The following GAB1 variants were observed in gnomAD, a reference collection of about 807,000 sequenced individuals.
The protein encoded by GAB1 is GRB2 associated binding protein 1, also known as GRB2-associated-binding protein 1.
GAB1 carries 19 observed loss-of-function variants against 66.5 expected under a neutral mutation model. The observed-to-expected ratio is 0.29, with a 90% CI of 0.20 to 0.42. The LOEUF is 0.42. Ranked by LOEUF, GAB1 falls within the 10% of genes least tolerant of loss-of-function variation. The pLI is 1.00. For missense variants in GAB1, 732 were observed against 858.5 expected, an observed-to-expected ratio of 0.85 and a Z score of 1.84; for synonymous variants, 294 against 301.4, an observed-to-expected ratio of 0.98 and a Z score of 0.25.
rs117257784 is a variant in GAB1, at chr4:143,396,184, C to A, written c.73-19293C>A. Among the ~76,000 whole-genome samples the A allele has an allele frequency of 4.7e-4, 72 of 152,248 alleles. 1 individual carries two copies. The East Asian group carries it at 0.013, about 27-fold the overall frequency. ...ATGGGGTAGTGACCCTGACTCTGGA[C>A]AAGGAGAGAAGCAAATGTACTCCTA... On this transcript the variant is annotated intron_variant, in intron 1 of 9. Transcript: ENST00000262994.
intron 7 of GAB1, among the ~76,000 whole-genome samples, 160 bp from the exon 8 acceptor site, chr4:143,460,204 G>C (rs1735416695): frequency 6.6e-6 from 1 of 151,972 alleles, no homozygotes; most frequent in Admixed American, 6.6e-5. Flanking sequence ...TTATGTGTTT[G>C]TACACAAAAA....
intron 2 of GAB1, among the ~76,000 whole-genome samples, chr4:143,422,356 GAT>G (rs1733075763): frequency 6.6e-6 from 1 of 152,110 alleles, no homozygotes; most frequent in Non-Finnish European, 1.5e-5. Flanking sequence ...TCTATCAGTA[GAT>G]ATAGCCCATC....
chr4:143,413,781 C>T (rs1166541108), intron 1 of GAB1, among the ~76,000 whole-genome samples: 1 of 148,238 alleles, frequency 6.7e-6, no homozygotes, highest in Non-Finnish European at 1.5e-5. Context: ...TGGGGGTTTT[C>T]GAGTCCTTCC....
chr4:143,471,339 G>A lies in GAB1; in HGVS notation c.*2150G>A, dbSNP rs1736071512. 6.6e-6 allele frequency: 1 copy of A among 152,102 alleles called. No homozygotes were observed. The highest frequency in any genetic ancestry group is 2.1e-4 in the South Asian group (1 of 4,832). The allele number at this position is 152,102 out of a possible 1,614,324, so 9.4% of individuals were successfully genotyped here. Reference sequence around the variant, plus strand: ...TGTATTAGAAAGGCAGTTTGCTTTAGAAAACTAAATCACATTGAACATTGT... The same window carrying A: ...TGTATTAGAAAGGCAGTTTGCTTTAAAAAACTAAATCACATTGAACATTGT... On this transcript the variant is annotated 3_prime_UTR_variant, in exon 10 of 10. Coordinates refer to ENST00000262994, the MANE Select transcript of GAB1 (RefSeq NM_002039.4).
rs1560725949 is a variant in GAB1 at position 143,373,868 on chromosome 4, A to ATATATAT, written c.72+36608_72+36609insTATATAT. Among the ~76,000 whole-genome samples, 67 of 93,674 alleles carry ATATATAT rather than the reference A, an allele frequency of 7.2e-4. 2 individuals are homozygous for ATATATAT. Among genetic ancestry groups the ATATATAT allele is most frequent in the South Asian group, 1.8e-3 (4 of 2,258 alleles). The allele number at this position is 93,674 out of a possible 152,430, so 61.5% of individuals were successfully genotyped here. ...CTCTCTCTCTCTCTGTAAATAAATA[A>ATATATAT]ATATATATATATATATATTTTTACC... is the stretch of plus-strand genomic sequence containing the variant. On this transcript the variant is annotated intron_variant, in intron 1 of 9. Transcript: ENST00000262994.
intron 9 of GAB1, 89 bp from the exon 10 acceptor site, chr4:143,468,942 C>T (rs968607101): frequency 4.5e-6 from 6 of 1,347,902 alleles, no homozygotes; most frequent in Non-Finnish European, 6.1e-6. Flanking sequence ...AAAGTATTCA[C>T]AGTGGATGTG....
At chr4:143,354,204 T>G (rs980005552) in intron 1 of GAB1, among the ~76,000 whole-genome samples, 1 of 152,210 alleles carries the variant, frequency 6.6e-6, no homozygotes, top group African/African-American at 2.4e-5. Flanking sequence ...CTTATTTTCT[T>G]GCTTTCTTTT....
At chr4:143,394,712 A>G (rs1420222766) in intron 1 of GAB1, 1 of 152,154 alleles carries the variant, frequency 6.6e-6, no homozygotes. Flanking sequence ...CAAGTAGGGA[A>G]AGGACAAACT....
chr4:143,346,986 A>G (rs1172466386), intron 1 of GAB1, among the ~76,000 whole-genome samples: 1 of 152,202 alleles, frequency 6.6e-6, no homozygotes, highest in Non-Finnish European at 1.5e-5. Flanking sequence ...CAAATTTATA[A>G]ATGTTGACTG....
rs1272236112 is a variant in GAB1 at position 143,472,247 on chromosome 4, A to G, written c.*3058A>G. On this transcript the variant is annotated 3_prime_UTR_variant, in exon 10 of 10. Transcript: ENST00000262994. ...TACTGTGAGCATTTTAGAGAATTCC[A>G]TAAAGGTACTATGAGTGTGTCTGTA... 2 of 152,158 alleles carry G rather than the reference A, an allele frequency of 1.3e-5. No homozygotes were observed. Among genetic ancestry groups the G allele is most frequent in the Non-Finnish European group, 2.9e-5 (2 of 68,004 alleles). The allele number at this position is 152,158 out of a possible 1,614,324, so 9.4% of individuals were successfully genotyped here.
rs1292817648 is a variant in GAB1, at chr4:143,428,671, G to A, written c.368-4820G>A. ...CAGGGTAAGTTTAAAATGTAGGCAA[G>A]AACTTAAAAACAACTAATGGGTCTA... On this transcript the variant is annotated intron_variant, in intron 2 of 9. Coordinates refer to ENST00000262994, the MANE Select transcript of GAB1 (RefSeq NM_002039.4). Among the ~76,000 whole-genome samples, 3 of 152,118 alleles carry A rather than the reference G, an allele frequency of 2.0e-5. No homozygotes were observed. The East Asian group carries it at 5.8e-4, about 29-fold the overall frequency.
At chr4:143,440,599 C>G (rs7690186) in intron 6 of GAB1, among the ~76,000 whole-genome samples, 3,545 of 152,280 alleles carry the variant, frequency 0.023, 86 homozygotes, top group South Asian at 0.11. Context: ...AGTCTCCTAT[C>G]TCTAGAGCAG....
chr4:143,429,765 C>A (rs996134150), intron 2 of GAB1, among the ~76,000 whole-genome samples: 3 of 152,202 alleles, frequency 2.0e-5, no homozygotes, highest in Non-Finnish European at 1.5e-5. Context: ...CAATTGCATC[C>A]TGTTGCAAAA....
chr4:143,354,203 T>A (rs1487634739), intron 1 of GAB1, among the ~76,000 whole-genome samples: 2 of 152,218 alleles, frequency 1.3e-5, no homozygotes, highest in Non-Finnish European at 2.9e-5. Flanking sequence ...CCTTATTTTC[T>A]TGCTTTCTTT....
intron 3 of GAB1, chr4:143,434,092 G>A: frequency 7.7e-7 from 1 of 1,294,204 alleles, no homozygotes; most frequent in South Asian, 1.2e-5. Context: ...AACCAGCCAA[G>A]GGTCATCTTT....
chr4:143,434,895 G>C (rs1021718176), intron 3 of GAB1, among the ~76,000 whole-genome samples: 13 of 152,210 alleles, frequency 8.5e-5, no homozygotes, highest in African/African-American at 2.9e-4. Context: ...ATTTTTAAAA[G>C]GAGCAGAAAA....
At position 143,373,883 on chromosome 4, in the gene GAB1, ATATT is replaced by A. The variant is rs1560726020; in HGVS notation, c.72+36625_72+36628del. On this transcript the variant is annotated intron_variant, in intron 1 of 9. Coordinates refer to ENST00000262994, the MANE Select transcript of GAB1 (RefSeq NM_002039.4). ...TAAATAAATAAATATATATATATAT[ATATT>A]TTTACCTTTCTAACATTGCAGGGAG... 3.5e-3 allele frequency among the ~76,000 whole-genome samples: 470 copies of A among 136,072 alleles called. 58 individuals are homozygous for A. Among genetic ancestry groups the A allele is most frequent in the East Asian group, 0.019 (94 of 4,954 alleles). The allele number at this position is 136,072 out of a possible 152,430, so 89.3% of individuals were successfully genotyped here.
intron 1 of GAB1, among the ~76,000 whole-genome samples, chr4:143,389,154 A>G (rs1731060725): frequency 6.6e-6 from 1 of 152,244 alleles, no homozygotes; most frequent in Non-Finnish European, 1.5e-5. Flanking sequence ...CAAATGTAAG[A>G]AGAGCTTTTA....
intron 1 of GAB1, among the ~76,000 whole-genome samples, chr4:143,378,714 T>A (rs931696589): frequency 6.6e-6 from 1 of 151,844 alleles, no homozygotes; most frequent in Non-Finnish European, 1.5e-5. Context: ...TTTCTTTGTC[T>A]GAGTATCTTT....
Sources: gnomAD v4.1 joint callset for allele counts (sites outside exome capture counted in the v4.1 genomes callset) on GRCh38, gnomAD v4.1.1 for gene constraint, MANE v1.5 for transcripts, NCBI Gene and HGNC (gene_info 2026-07-23, HGNC 2026-07-21) for gene names.